Variants in DACH2 observed in about 807,000 individuals in gnomAD.
DACH2 encodes the protein dachshund homolog 2.
DACH2 carries 17 observed loss-of-function variants against 35.8 expected under a neutral mutation model. The observed-to-expected ratio is 0.48, with a 90% CI of 0.33 to 0.71. The LOEUF (loss-of-function observed/expected upper bound fraction) is 0.71, where lower values mean the gene tolerates loss of function less well. DACH2 is among the 30% of genes least tolerant of loss of function. The pLI is 0.02. For missense variants in DACH2, 469 were observed against 472.7 expected, an observed-to-expected ratio of 0.99 and a Z score of 0.07; for synonymous variants, 195 against 177.3, an observed-to-expected ratio of 1.10 and a Z score of -0.79.
chrX:86,148,707 C>T lies in DACH2; in HGVS notation c.87C>T (p.Tyr29=). 2 of 1,210,618 alleles carry T rather than the reference C, an allele frequency of 1.7e-6. No individual in the cohort carries two copies. The highest frequency in any genetic ancestry group is 2.2e-6 in the Non-Finnish European group (2 of 895,017). Residue 29 remains tyrosine (Y), a synonymous_variant, in exon 1 of 12, where the codon TAC becomes TAT. Transcript: ENST00000373125. ...PGGLFRAEPL[Y]STPREPPRLT... ...GCTTATTCCGGGCCGAACCCCTGTA[C>T]TCGACTCCCAGAGAGCCCCCTCGTC...
intron 7 of DACH2, among the ~76,000 whole-genome samples, chrX:86,771,903 G>T (rs147453324): frequency 0.013 from 1,466 of 111,556 alleles, 20 homozygotes; most frequent in African/African-American, 0.045. Flanking sequence ...CATCATTCCA[G>T]TGTCTGTTCT....
chrX:86,456,542 A>G (rs1304994271), intron 2 of DACH2, among the ~76,000 whole-genome samples: 1 of 111,463 alleles, frequency 9.0e-6, no homozygotes, highest in Non-Finnish European at 1.9e-5. Flanking sequence ...CACTTATAAT[A>G]TATATGTTTA....
chrX:86,225,088 T>G (rs983015668), intron 1 of DACH2, among the ~76,000 whole-genome samples: 4 of 111,797 alleles, frequency 3.6e-5, no homozygotes, highest in African/African-American at 1.3e-4. Flanking sequence ...TGTACTCAAT[T>G]AAAAATTGAT....
At chrX:86,480,217 C>A (rs1308085119) in intron 2 of DACH2, among the ~76,000 whole-genome samples, 9 of 112,593 alleles carry the variant, frequency 8.0e-5, no homozygotes, top group Admixed American at 6.6e-4. Context: ...GTGGTTCTTG[C>A]AGACTTGCAG....
intron 7 of DACH2, among the ~76,000 whole-genome samples, chrX:86,771,393 A>G (rs1446112411): frequency 8.9e-6 from 1 of 112,683 alleles, no homozygotes; most frequent in Non-Finnish European, 1.9e-5. Context: ...TGTTTCAAAG[A>G]TATTTGAATA....
intron 1 of DACH2, among the ~76,000 whole-genome samples, chrX:86,296,744 A>G (rs1200366634): frequency 9.0e-6 from 1 of 111,169 alleles, no homozygotes; most frequent in African/African-American, 3.3e-5. Context: ...GGTAAAATTT[A>G]TTACATATAT....
At chrX:86,646,312 G>C (rs764182146) in intron 3 of DACH2, among the ~76,000 whole-genome samples, 9 of 110,266 alleles carry the variant, frequency 8.2e-5, no homozygotes, top group Admixed American at 9.8e-5. Context: ...CAGGTAGGGG[G>C]TGAGGGTTGA....
chrX:86,563,393 C>T (rs2039251729), intron 3 of DACH2, among the ~76,000 whole-genome samples: 2 of 110,260 alleles, frequency 1.8e-5, no homozygotes, highest in Admixed American at 1.9e-4. Context: ...GTATTGCCAC[C>T]TTGATAGTTC....
chrX:86,321,746 G>A (rs1344605930), intron 1 of DACH2, among the ~76,000 whole-genome samples: 2 of 112,054 alleles, frequency 1.8e-5, no homozygotes, highest in Admixed American at 9.5e-5. Flanking sequence ...TGAGGGTTTG[G>A]CCTAGAAGCA....
In DACH2 at chrX:86,618,140, C is replaced by G. The variant is rs190252239; in HGVS notation, c.641-32896C>G. 2.7e-5 allele frequency among the ~76,000 whole-genome samples: 3 copies of G among 111,488 alleles called. No homozygotes were observed. The Admixed American group carries it at 2.9e-4, about 11-fold the overall frequency. ...TTTAGCCAGACCTGGTGCTGTGCATCTGTGGTCTCAGCTATTTGGGAGGCT... is the reference window on the plus strand; with the variant it reads ...TTTAGCCAGACCTGGTGCTGTGCATGTGTGGTCTCAGCTATTTGGGAGGCT... On this transcript the variant is annotated intron_variant, in intron 3 of 11. Coordinates refer to ENST00000373125, the MANE Select transcript of DACH2 (RefSeq NM_053281.3).
chrX:86,414,812 C>A (rs760207430), intron 2 of DACH2, among the ~76,000 whole-genome samples: 1 of 111,564 alleles, frequency 9.0e-6, no homozygotes, highest in Non-Finnish European at 1.9e-5. Context: ...CCCTCAACTG[C>A]AACATTAAAA....
chrX:86,815,759 G>A (rs1278589970), intron 10 of DACH2, among the ~76,000 whole-genome samples: 1 of 107,580 alleles, frequency 9.3e-6, no homozygotes, highest in Admixed American at 1.0e-4. Flanking sequence ...AGGTTTTAAT[G>A]GACAGACTAT....
At chrX:86,590,788 G>A (rs781224441) in intron 3 of DACH2, among the ~76,000 whole-genome samples, 53 of 110,731 alleles carry the variant, frequency 4.8e-4, no homozygotes, top group Non-Finnish European at 8.3e-4. Context: ...TAGGTATCTC[G>A]CAGTTTTATT....
At chrX:86,680,589 G>T (rs756805694) in intron 4 of DACH2, among the ~76,000 whole-genome samples, 15 of 107,868 alleles carry the variant, frequency 1.4e-4, no homozygotes, top group Non-Finnish European at 2.9e-4. Flanking sequence ...TTATTTAAAA[G>T]AAACTAATGG....
At chrX:86,281,797 G>A (rs1364154409) in intron 1 of DACH2, among the ~76,000 whole-genome samples, 1 of 112,148 alleles carries the variant, frequency 8.9e-6, no homozygotes, top group Admixed American at 9.5e-5. Flanking sequence ...AGCAACTTCA[G>A]CAAAGTCTCA....
chrX:86,212,207 G>A (rs1189656547), intron 1 of DACH2, among the ~76,000 whole-genome samples: 1 of 111,627 alleles, frequency 9.0e-6, no homozygotes, highest in Non-Finnish European at 1.9e-5. Context: ...CAGTTTTTGT[G>A]AGGATTGCAG....
intron 6 of DACH2, among the ~76,000 whole-genome samples, chrX:86,729,982 C>T (rs2041514537): frequency 9.1e-6 from 1 of 110,233 alleles, no homozygotes; most frequent in Non-Finnish European, 1.9e-5. Context: ...AACTGCATAA[C>T]ACATCCCTTT....
chrX:86,202,390 G>T (rs2032179645), intron 1 of DACH2, among the ~76,000 whole-genome samples: 1 of 111,821 alleles, frequency 8.9e-6, no homozygotes, highest in African/African-American at 3.2e-5. Flanking sequence ...TTGTTTCTCA[G>T]AGGAGATGGC....
At chrX:86,405,368 A>G (rs2036510160) in intron 2 of DACH2, among the ~76,000 whole-genome samples, 1 of 111,340 alleles carries the variant, frequency 9.0e-6, no homozygotes, top group Non-Finnish European at 1.9e-5. Context: ...ATCTCTCTCA[A>G]GTTCAAAGTT....
Sources: gnomAD v4.1 joint callset for allele counts (sites outside exome capture counted in the v4.1 genomes callset) on GRCh38, gnomAD v4.1.1 for gene constraint, MANE v1.5 for transcripts, NCBI Gene and HGNC (gene_info 2026-07-23, HGNC 2026-07-21) for gene names.